The following SPECC1 variants were observed in gnomAD, a reference collection of about 807,000 sequenced individuals.
SPECC1 encodes cytospin-B.
SPECC1 carries 62 observed loss-of-function variants against 104.1 expected under a neutral mutation model. That is an observed-to-expected ratio of 0.60 (90% CI 0.49 to 0.74). SPECC1 has a LOEUF of 0.74. Ranked by LOEUF, SPECC1 falls within the 30% of genes least tolerant of loss-of-function variation. SPECC1 has a pLI of 0.00. For synonymous variants in SPECC1, 513 were observed against 501.6 expected (o/e 1.02, Z -0.30); for missense variants, 1,306 against 1,310.5 (o/e 1.00, Z 0.05).
intron 3 of SPECC1, among the ~76,000 whole-genome samples, chr17:20,136,457 A>ACTC (rs1290368576): frequency 6.6e-6 from 1 of 151,694 alleles, no homozygotes; most frequent in Non-Finnish European, 1.5e-5. Flanking sequence ...GTCTTTTCAA[A>ACTC]CTCTAGTCTT....
intron 3 of SPECC1, among the ~76,000 whole-genome samples, chr17:20,145,382 CAG>C (rs985985002): frequency 1.3e-5 from 2 of 152,184 alleles, no homozygotes; most frequent in African/African-American, 4.8e-5. Context: ...GTAGGTAACT[CAG>C]AGGGTGTTTA....
intron 1 of SPECC1, among the ~76,000 whole-genome samples, chr17:20,051,987 A>G (rs1274719302): frequency 6.6e-6 from 1 of 152,218 alleles, no homozygotes; most frequent in Non-Finnish European, 1.5e-5. Context: ...AAGGGGAGAG[A>G]AGAATACCTG....
At chr17:20,041,703 C>T (rs1250391697) in intron 1 of SPECC1, among the ~76,000 whole-genome samples, 2 of 138,874 alleles carry the variant, frequency 1.4e-5, no homozygotes, top group East Asian at 4.5e-4. Flanking sequence ...TCTCGGCTCA[C>T]TGCTCCTCTT....
At chr17:20,280,066 AT>A (rs1244322294) in intron 12 of SPECC1, among the ~76,000 whole-genome samples, 8 of 152,218 alleles carry the variant, frequency 5.3e-5, no homozygotes, top group Non-Finnish European at 1.2e-4. Flanking sequence ...ATCCATCAAA[AT>A]GGATTCCACC....
chr17:20,269,443 G>T (rs1598114168), intron 12 of SPECC1, among the ~76,000 whole-genome samples: 1 of 152,320 alleles, frequency 6.6e-6, no homozygotes, highest in East Asian at 1.9e-4. Flanking sequence ...ATTTTTTCTT[G>T]AGATGGGGTT....
rs2042038009 is a variant in SPECC1 at position 20,316,157 on chromosome 17, T to G, written c.*2092T>G. 1 of 231,448 alleles carries G rather than the reference T, an allele frequency of 4.3e-6. No homozygotes were observed. Among genetic ancestry groups the G allele is most frequent in the South Asian group, 1.8e-4 (1 of 5,518 alleles). 14.3% of individuals were successfully genotyped at this position (231,448 alleles called of 1,614,324 possible). A position where few individuals can be genotyped will look rare whatever the true frequency, so the allele number is the denominator to read the frequency against. ...TACTACTTCTGCTGATTCAGGCACT[T>G]GTTTGAAGCATTTTTTTTTTATTAA... On this transcript the variant is annotated 3_prime_UTR_variant, in exon 15 of 15. Coordinates refer to ENST00000395527, the MANE Select transcript of SPECC1 (RefSeq NM_001243439.2).
intron 1 of SPECC1, among the ~76,000 whole-genome samples, chr17:20,013,081 C>T (rs1412088329): frequency 1.3e-5 from 2 of 152,220 alleles, no homozygotes; most frequent in African/African-American, 2.4e-5. Context: ...GTATACACCA[C>T]ATTTTGCTTA....
At chr17:20,198,089 C>G (rs1006993948) in intron 3 of SPECC1, among the ~76,000 whole-genome samples, 1 of 152,162 alleles carries the variant, frequency 6.6e-6, no homozygotes, top group Non-Finnish European at 1.5e-5. Flanking sequence ...CCCTGGGGGC[C>G]AAGCCTCATC....
In SPECC1 at chr17:20,110,444, T is replaced by C. The variant is rs1342024968; in HGVS notation, c.165T>C (p.Ser55=). ...SRLSRLKRAS[S]EDTLNKPGST... ...TCTCTCAGCTCAAGAGGGCCAGCAG[T>C]GAGGACACGCTCAACAAGCCAGGAA... Residue 55 remains serine (S), a synonymous_variant, in exon 3 of 15, where the codon AGT becomes AGC. Coordinates refer to ENST00000395527, the MANE Select transcript of SPECC1 (RefSeq NM_001243439.2). The C allele has an allele frequency of 1.2e-6, 2 of 1,613,342 alleles. No individual in the cohort carries two copies. Among genetic ancestry groups the C allele is most frequent in the Non-Finnish European group, 1.7e-6 (2 of 1,179,672 alleles).
chr17:20,286,993 C>A (rs569987350), intron 12 of SPECC1, among the ~76,000 whole-genome samples: 166 of 152,384 alleles, frequency 1.1e-3, no homozygotes, highest in African/African-American at 3.8e-3. Flanking sequence ...GACTGATCCC[C>A]TTGCACTCCT....
At chr17:20,038,553 C>T (rs1424790166) in intron 1 of SPECC1, among the ~76,000 whole-genome samples, 2 of 152,012 alleles carry the variant, frequency 1.3e-5, no homozygotes, top group Non-Finnish European at 2.9e-5. Flanking sequence ...GCTCCCGCCA[C>T]TGCGCTTGGC....
chr17:20,075,334 G>A (rs1211588516), intron 1 of SPECC1, among the ~76,000 whole-genome samples: 2 of 152,316 alleles, frequency 1.3e-5, no homozygotes, highest in South Asian at 2.1e-4. Flanking sequence ...AGCTGAGGAT[G>A]TGGAGGCCTA....
intron 3 of SPECC1, among the ~76,000 whole-genome samples, chr17:20,141,603 C>T (rs956802684): frequency 6.6e-6 from 1 of 152,156 alleles, no homozygotes; most frequent in Non-Finnish European, 1.5e-5. Context: ...AGTGTGCAAT[C>T]CAGTGAATTT....
chr17:20,113,731 G>A (rs753149034), intron 3 of SPECC1, among the ~76,000 whole-genome samples: 2 of 152,188 alleles, frequency 1.3e-5, no homozygotes, highest in Non-Finnish European at 2.9e-5. Flanking sequence ...TTATAAATGA[G>A]CATTTCTCAG....
At chr17:20,036,838 G>A (rs2045107883) in intron 1 of SPECC1, among the ~76,000 whole-genome samples, 1 of 152,132 alleles carries the variant, frequency 6.6e-6, no homozygotes, top group African/African-American at 2.4e-5. Flanking sequence ...GAACTTCAGG[G>A]CTATGTTAAA....
chr17:20,105,077 G>A (rs926262372), intron 2 of SPECC1, among the ~76,000 whole-genome samples: 1 of 151,814 alleles, frequency 6.6e-6, no homozygotes, highest in Non-Finnish European at 1.5e-5. Flanking sequence ...CTAGAGATAC[G>A]CCAACTGCTT....
intron 3 of SPECC1, among the ~76,000 whole-genome samples, chr17:20,114,668 T>A (rs1446258449): frequency 6.6e-6 from 1 of 152,138 alleles, no homozygotes; most frequent in Non-Finnish European, 1.5e-5. Context: ...TACAGACTCA[T>A]CAACATGAGG....
intron 12 of SPECC1, among the ~76,000 whole-genome samples, chr17:20,264,999 T>G (rs2040170090): frequency 6.6e-6 from 1 of 152,246 alleles, no homozygotes; most frequent in Admixed American, 6.5e-5. Flanking sequence ...ATGGTGTATA[T>G]TTACCACATT....
chr17:20,074,910 AT>A (rs530252477), intron 1 of SPECC1, among the ~76,000 whole-genome samples: 22 of 149,668 alleles, frequency 1.5e-4, no homozygotes, highest in African/African-American at 3.2e-4. Flanking sequence ...CCAATATGTT[AT>A]TTTTTTTTTA....
Sources: allele counts gnomAD v4.1 joint callset (sites outside exome capture counted in the v4.1 genomes callset), GRCh38; gene constraint gnomAD v4.1.1; transcripts MANE v1.5; gene names NCBI Gene and HGNC (gene_info 2026-07-23, HGNC 2026-07-21).